RASGRF1: variants seen among roughly 807,000 people sequenced by gnomAD.
The protein encoded by RASGRF1 is ras-specific guanine nucleotide-releasing factor 1.
In RASGRF1, 40 loss-of-function variants were observed where a neutral mutation model predicts 138.7. That is an observed-to-expected ratio of 0.29 (90% CI 0.22 to 0.38). RASGRF1 has a LOEUF of 0.38. RASGRF1 is among the 10% of genes least tolerant of loss of function. RASGRF1 has a pLI of 1.00. For missense variants in RASGRF1, 1,108 were observed against 1,650.4 expected (o/e 0.67, Z 5.69); for synonymous variants, 614 against 663.2 (o/e 0.93, Z 1.14).
Position 78,999,866 on chromosome 15 carries a change from G to A in RASGRF1, c.2623C>T (p.Arg875Cys). The A allele has an allele frequency of 6.2e-6, 10 of 1,614,174 alleles. No individual in the cohort carries two copies. Among genetic ancestry groups the A allele is most frequent in the South Asian group, 4.4e-5 (4 of 91,078 alleles). The part of the protein sequence containing the change: ...YNNGVVMTSC[R>C]ELDNNRSALS... ...GCACTGCGGTTATTGTCCAGTTCAC[G>A]ACAGGAGGTCATGACGACTCCATTG... is the stretch of plus-strand genomic sequence containing the variant. Residue 875 changes from arginine (R) to cysteine (C), a missense_variant, in exon 17 of 27, where the codon CGT becomes TGT. Physicochemically the swap from Arg to Cys is radical, Grantham distance 180. Around this residue, in one of 3 missense-constraint regions of RASGRF1, gnomAD observed 686 missense variants for 976.7 expected, o/e 0.70. Transcript: ENST00000558480.
chr15:78,999,796 T>C lies in RASGRF1; in HGVS notation c.2693A>G (p.Asn898Ser), dbSNP rs762359214. The change falls in exon 17 of 27, where the codon AAC (asparagine) becomes AGC (serine). Residue 898 changes from asparagine (N) to serine (S), a missense_variant. Transcript: ENST00000558480. ...CTTCTCCTTGTTTGGGGTGCCCTCG[T>C]TGGCCCCGGCGGTTGCTATGGCAAA... is the stretch of plus-strand genomic sequence containing the variant. ...SAFAIATAGA[N>S]EGTPNKEKYR... is the part of the protein sequence containing the mutation. 6.2e-7 allele frequency: 1 copy of C among 1,614,172 alleles called. No individual in the cohort carries two copies. Among genetic ancestry groups the C allele is most frequent in the African/African-American group, 1.3e-5 (1 of 75,042 alleles).
intron 20 of RASGRF1, among the ~76,000 whole-genome samples, chr15:78,992,825 C>T (rs2056298445): frequency 6.6e-6 from 1 of 152,232 alleles, no homozygotes; most frequent in Non-Finnish European, 1.5e-5. Flanking sequence ...CCCTCCTAGA[C>T]TAAGTGTCTC....
At chr15:78,985,364 G>A (rs922259438) in intron 22 of RASGRF1, 160 bp from the exon 23 acceptor site, 12 of 712,866 alleles carry the variant, frequency 1.7e-5, no homozygotes, top group African/African-American at 1.6e-4. Context: ...GCTGGCTAAA[G>A]GTTCAATATA....
At chr15:78,993,902 T>C (rs1402456038) in intron 20 of RASGRF1, among the ~76,000 whole-genome samples, 1 of 152,180 alleles carries the variant, frequency 6.6e-6, no homozygotes, top group East Asian at 1.9e-4. Flanking sequence ...AGATCAAAAC[T>C]GACAACTTCC....
intron 1 of RASGRF1, among the ~76,000 whole-genome samples, chr15:79,077,843 C>T (rs948567419): frequency 2.0e-5 from 3 of 147,704 alleles, no homozygotes; most frequent in African/African-American, 7.4e-5. Flanking sequence ...CCAATTCATC[C>T]CGCCTTTTGG....
At chr15:79,040,476 C>T (rs1214597932) in intron 5 of RASGRF1, among the ~76,000 whole-genome samples, 1 of 152,168 alleles carries the variant, frequency 6.6e-6, no homozygotes, top group Non-Finnish European at 1.5e-5. Flanking sequence ...GTAGGAACTG[C>T]CTCTGTCTGT....
intron 1 of RASGRF1, among the ~76,000 whole-genome samples, chr15:79,086,077 C>A (rs1453820814): frequency 1.3e-5 from 2 of 152,118 alleles, no homozygotes; most frequent in Non-Finnish European, 2.9e-5. Context: ...CACAGTTGAT[C>A]CTGGGGCCCC....
intron 10 of RASGRF1, among the ~76,000 whole-genome samples, chr15:79,024,301 T>C (rs2057013143): frequency 6.6e-6 from 1 of 151,334 alleles, no homozygotes; most frequent in African/African-American, 2.4e-5. Context: ...ATATGCCATA[T>C]ACCATACACA....
chr15:79,069,760 A>T (rs907254239), intron 1 of RASGRF1, among the ~76,000 whole-genome samples: 2 of 152,218 alleles, frequency 1.3e-5, no homozygotes, highest in Admixed American at 6.5e-5. Context: ...TGGGTCCTTG[A>T]GGTGCCTGGG....
chr15:79,059,792 C>T lies in RASGRF1; in HGVS notation c.384-1311G>A, dbSNP rs934019802. Among the ~76,000 whole-genome samples, 16 of 152,280 alleles carry T rather than the reference C, an allele frequency of 1.1e-4. No individual in the cohort carries two copies. The East Asian group carries it at 3.1e-3, about 29-fold the overall frequency. On this transcript the variant is annotated intron_variant, in intron 2 of 26. Coordinates refer to ENST00000558480, the MANE Select transcript of RASGRF1 (RefSeq NM_001145648.3). Reference sequence around the variant, plus strand: ...CCATAATACCAGAATATTATACATACAGCGCGAGAGAACATTGTGTCTCTA... The same window carrying T: ...CCATAATACCAGAATATTATACATATAGCGCGAGAGAACATTGTGTCTCTA...
chr15:79,027,986 G>T lies in RASGRF1; in HGVS notation c.1263-127C>A. ...ACAAGGATTCTCAGGTGGAGTCTGT[G>T]GTCATGGAGGGGAAGGGAGTGTGCA... is the stretch of plus-strand genomic sequence containing the variant. On this transcript the variant is annotated intron_variant, in intron 8 of 26. Transcript: ENST00000558480. The surrounding 1 kb of genome is among the most constrained non-coding windows in gnomAD (Gnocchi z 4.8). 1.1e-6 allele frequency: 1 copy of T among 921,132 alleles called. No individual in the cohort carries two copies. The highest frequency in any genetic ancestry group is 1.7e-6 in the Non-Finnish European group (1 of 582,262). 57.1% of individuals were successfully genotyped at this position (921,132 alleles called of 1,614,324 possible).
At position 79,064,535 on chromosome 15, in the gene RASGRF1, A is replaced by C; in HGVS notation, c.277-9T>G. 1 of 1,611,190 alleles carries C rather than the reference A, an allele frequency of 6.2e-7. No homozygotes were observed. The highest frequency in any genetic ancestry group is 8.5e-7 in the Non-Finnish European group (1 of 1,177,368). Reference sequence around the variant, plus strand: ...TTCACCGTGAAGTAATGCTGTATCAAGAAGAAGACATCTCCAATTACCAGA... The same window carrying C: ...TTCACCGTGAAGTAATGCTGTATCACGAAGAAGACATCTCCAATTACCAGA... On this transcript the variant is annotated splice_polypyrimidine_tract_variant and intron_variant, in intron 1 of 26. Coordinates refer to ENST00000558480, the MANE Select transcript of RASGRF1 (RefSeq NM_001145648.3).
intron 1 of RASGRF1, among the ~76,000 whole-genome samples, chr15:79,079,047 G>A (rs1246757890): frequency 3.3e-5 from 5 of 152,228 alleles, no homozygotes; most frequent in Non-Finnish European, 5.9e-5. Context: ...AATCAGCCTC[G>A]AACGAGGCTG....
chr15:79,090,582 C>T lies in RASGRF1; in HGVS notation c.-84G>A. On this transcript the variant is annotated 5_prime_UTR_variant, in exon 1 of 27. Coordinates refer to ENST00000558480, the MANE Select transcript of RASGRF1 (RefSeq NM_001145648.3). ...CGTCCGTGCGCGCTGCGCGCTGCCT[C>T]TCTCTGGCGCTCGCTCGCTCGCTCC... 2 of 1,548,620 alleles carry T rather than the reference C, an allele frequency of 1.3e-6. No individual in the cohort carries two copies. The highest frequency in any genetic ancestry group is 2.4e-5 in the South Asian group (2 of 83,236).
At chr15:79,068,144 C>T (rs1360557773) in intron 1 of RASGRF1, among the ~76,000 whole-genome samples, 2 of 152,116 alleles carry the variant, frequency 1.3e-5, no homozygotes, top group African/African-American at 4.8e-5. Context: ...GTGGCACGAC[C>T]CCACTTCACA....
Position 79,073,715 on chromosome 15 carries a change from C to T in RASGRF1, c.277-9189G>A, listed in dbSNP as rs951281618. 1.4e-4 allele frequency among the ~76,000 whole-genome samples: 22 copies of T among 152,320 alleles called. No individual in the cohort carries two copies. Among genetic ancestry groups the T allele is most frequent in the Admixed American group, 2.6e-4 (4 of 15,298 alleles). On this transcript the variant is annotated intron_variant, in intron 1 of 26. Coordinates refer to ENST00000558480, the MANE Select transcript of RASGRF1 (RefSeq NM_001145648.3). This position sits in a 1 kb window ranked among gnomAD's most constrained non-coding sequence, Gnocchi z 4.2. ...CCTGGATTCCACCTCTTCTCAGTTA[C>T]GTGTGCTGGGAATGCTGCCTGTACT... is the stretch of plus-strand genomic sequence containing the variant.
intron 22 of RASGRF1, among the ~76,000 whole-genome samples, chr15:78,986,554 C>T (rs1399390711): frequency 2.0e-5 from 3 of 152,028 alleles, no homozygotes; most frequent in Non-Finnish European, 4.4e-5. Context: ...ACCATGTTGG[C>T]CACGCTGGTC....
intron 5 of RASGRF1, among the ~76,000 whole-genome samples, chr15:79,044,734 G>A (rs1297613097): frequency 6.6e-6 from 1 of 152,186 alleles, no homozygotes; most frequent in Non-Finnish European, 1.5e-5. Flanking sequence ...GAAAATATCA[G>A]CTTCATGAGA....
At chr15:78,977,580 G>C (rs1214719316) in intron 24 of RASGRF1, among the ~76,000 whole-genome samples, 1 of 152,202 alleles carries the variant, frequency 6.6e-6, no homozygotes, top group Non-Finnish European at 1.5e-5. Flanking sequence ...TTGGGCTCAT[G>C]ACATCCATGT....
Sources: allele counts gnomAD v4.1 joint callset (sites outside exome capture counted in the v4.1 genomes callset), GRCh38; gene constraint gnomAD v4.1.1; regional missense constraint gnomAD v4.1.1; non-coding constraint Gnocchi (gnomAD v3.1); transcripts MANE v1.5; gene names NCBI Gene and HGNC (gene_info 2026-07-23, HGNC 2026-07-21).